Variants in SYCP2 observed in about 807,000 individuals in gnomAD.
The protein encoded by SYCP2 is synaptonemal complex protein 2.
In SYCP2, 55 loss-of-function variants were observed where a neutral mutation model predicts 211.3. That is an observed-to-expected ratio of 0.26 (90% CI 0.21 to 0.33). The LOEUF (loss-of-function observed/expected upper bound fraction) is 0.33, where lower values mean the gene tolerates loss of function less well. Among genes scored for constraint, SYCP2 ranks in the 10% least tolerant of loss-of-function variants. The pLI is 1.00. For synonymous variants in SYCP2, 570 were observed against 555.2 expected, an observed-to-expected ratio of 1.03 and a Z score of -0.37; for missense variants, 1,731 against 1,752.0, an observed-to-expected ratio of 0.99 and a Z score of 0.21.
chr20:59,895,472 A>G lies in SYCP2; in HGVS notation c.1630T>C (p.Ser544Pro), dbSNP rs1442954702. The G allele has an allele frequency of 1.2e-6, 2 of 1,612,184 alleles. No homozygotes were observed. The highest frequency in any genetic ancestry group is 2.2e-5 in the South Asian group (2 of 90,736). The stretch of plus-strand genomic sequence containing the variant: ...TTATCTCTTCTATGTCTTCCTTCTG[A>G]TGATCTAGATTTCAGTGATGCAGCA... ...DNAASLKSRS[S>P]EGRHRRDNID... Residue 544 changes from serine to proline, a missense_variant, in exon 20 of 45, where the codon TCA (serine) becomes CCA (proline). Physicochemically the swap from Ser to Pro is moderately conservative, Grantham distance 74 (BLOSUM62 -1). This residue lies in a region of SYCP2 where 1,387 missense variants were observed against 1,351.3 expected (regional missense o/e 1.03). Transcript: ENST00000357552.
At position 59,875,476 on chromosome 20, in the gene SYCP2, G is replaced by GT. The variant is rs749991823; in HGVS notation, c.3151-8dup. 4.4e-6 allele frequency: 7 copies of GT among 1,597,748 alleles called. No homozygotes were observed. Among genetic ancestry groups the GT allele is most frequent in the Non-Finnish European group, 6.0e-6 (7 of 1,171,540 alleles). ...TGGAATGGATATTCTCCTCCTAAATGTATCAATAACTTTCAAATTATACTC... is the reference window on the plus strand; with the variant it reads ...TGGAATGGATATTCTCCTCCTAAATGTTATCAATAACTTTCAAATTATACTC... On this transcript the variant is annotated splice_region_variant and splice_polypyrimidine_tract_variant and intron_variant, in intron 33 of 44. Transcript: ENST00000357552.
intron 31 of SYCP2, among the ~76,000 whole-genome samples, chr20:59,879,862 TACACAC>T (rs1236840424): frequency 6.0e-5 from 7 of 116,084 alleles, no homozygotes; most frequent in Non-Finnish European, 1.1e-4. Flanking sequence ...TATATATATA[TACACAC>T]ACACACACAC....
At chr20:59,884,469 ATAAT>A (rs1226008662) in intron 26 of SYCP2, among the ~76,000 whole-genome samples, 3 of 152,002 alleles carry the variant, frequency 2.0e-5, no homozygotes, top group African/African-American at 7.3e-5. Context: ...ATATCACTAA[ATAAT>A]TGATTACTGA....
At chr20:59,913,469 T>TA (rs905588701) in intron 12 of SYCP2, among the ~76,000 whole-genome samples, 11 of 152,006 alleles carry the variant, frequency 7.2e-5, no homozygotes, top group East Asian at 1.9e-4. Flanking sequence ...TCTGTCGTTA[T>TA]AAAAAAAAGA....
chr20:59,931,764 C>G (rs2060746668), intron 2 of SYCP2, among the ~76,000 whole-genome samples: 1 of 151,964 alleles, frequency 6.6e-6, no homozygotes. Context: ...GAAAAACAAA[C>G]CAAGGAAAGC....
At chr20:59,898,357 G>A (rs757953370) in intron 18 of SYCP2, among the ~76,000 whole-genome samples, 66 of 152,106 alleles carry the variant, frequency 4.3e-4, no homozygotes, top group Admixed American at 2.4e-3. Flanking sequence ...AAGAAAATGT[G>A]GCACATATAC....
At chr20:59,877,801 T>C (rs552854919) in intron 32 of SYCP2, among the ~76,000 whole-genome samples, 17 of 152,212 alleles carry the variant, frequency 1.1e-4, no homozygotes, top group Non-Finnish European at 2.1e-4. Flanking sequence ...AGTAAAAGAT[T>C]TTAAAAATAC....
At chr20:59,922,837 A>T (rs1460022808) in intron 2 of SYCP2, among the ~76,000 whole-genome samples, 1 of 151,904 alleles carries the variant, frequency 6.6e-6, no homozygotes, top group African/African-American at 2.4e-5. Context: ...TGCAAATGAA[A>T]TTTGGGCTAT....
Position 59,892,338 on chromosome 20 carries a change from A to G in SYCP2, c.2016T>C (p.Tyr672=), listed in dbSNP as rs61730336. 6,505 of 1,606,172 alleles carry G rather than the reference A, an allele frequency of 4.0e-3. 123 individuals carry two copies. The East Asian group carries it at 0.048, about 12-fold the overall frequency. ...HNSEGTGKVK[Y]KKEQTDHIKI... ...TGATATGGTCGGTTTGTTCTTTCTT[A>G]TATTTCACTTTTCCTGTTCCTTCAG... Residue 672 remains tyrosine (Y), a synonymous_variant, in exon 24 of 45, where the codon TAT becomes TAC. Coordinates refer to ENST00000357552, the MANE Select transcript of SYCP2 (RefSeq NM_014258.4).
chr20:59,880,844 G>A, intron 30 of SYCP2, 122 bp downstream of exon 30: 1 of 505,240 alleles, frequency 2.0e-6, no homozygotes, highest in Non-Finnish European at 3.5e-6. Flanking sequence ...TAATAGGAAG[G>A]TGGATAGTTG....
At chr20:59,914,902 A>T (rs1271350479) in intron 10 of SYCP2, among the ~76,000 whole-genome samples, 4 of 151,942 alleles carry the variant, frequency 2.6e-5, no homozygotes, top group Non-Finnish European at 5.9e-5. Flanking sequence ...TAAGCTATTA[A>T]ATTAAGCTAT....
chr20:59,887,975 G>T (rs1178046302), intron 24 of SYCP2, among the ~76,000 whole-genome samples: 1 of 151,976 alleles, frequency 6.6e-6, no homozygotes, highest in Non-Finnish European at 1.5e-5. Context: ...TATGTAAACA[G>T]AAACAGATCA....
chr20:59,874,419 G>A lies in SYCP2; in HGVS notation c.3350-358C>T, dbSNP rs531341361. ...ATACACATCACAAAATTTTATGATT[G>A]AAAAAGGCTTGAGAAATCATCTGCT... On this transcript the variant is annotated intron_variant, in intron 34 of 44. Coordinates refer to ENST00000357552, the MANE Select transcript of SYCP2 (RefSeq NM_014258.4). Among the ~76,000 whole-genome samples the A allele has an allele frequency of 3.9e-5, 6 of 152,116 alleles. No homozygotes were observed. In the South Asian group the frequency reaches 1.2e-3, roughly 32 times the overall value.
intron 2 of SYCP2, among the ~76,000 whole-genome samples, chr20:59,929,202 A>C (rs1223853988): frequency 2.0e-5 from 3 of 152,154 alleles, no homozygotes; most frequent in African/African-American, 7.2e-5. Flanking sequence ...AACAATAACC[A>C]GTCCCCTCTC....
intron 10 of SYCP2, 113 bp from the exon 11 acceptor site, chr20:59,914,364 T>C (rs545140340): frequency 3.7e-5 from 19 of 512,848 alleles, no homozygotes; most frequent in East Asian, 1.6e-4. Flanking sequence ...TATATTAATG[T>C]AATTGATTAA....
Position 59,870,867 on chromosome 20 carries a change from C to T in SYCP2, c.3556-884G>A, listed in dbSNP as rs939725292. On this transcript the variant is annotated intron_variant, in intron 35 of 44. Transcript: ENST00000357552. ...ATTAAGACTATTCCACTCCTGATGT[C>T]GCACTAATTTGATATCCATATGAAA... Among the ~76,000 whole-genome samples, 8 of 151,754 alleles carry T rather than the reference C, an allele frequency of 5.3e-5. No homozygotes were observed. The East Asian group carries it at 7.7e-4, about 15-fold the overall frequency.
chr20:59,878,332 C>T (rs1434408936), intron 31 of SYCP2, among the ~76,000 whole-genome samples: 1 of 152,008 alleles, frequency 6.6e-6, no homozygotes, highest in East Asian at 1.9e-4. Context: ...CCCAATTGTA[C>T]CACATCTCTG....
rs763819317 is a variant in SYCP2 at position 59,875,285 on chromosome 20, A to G, written c.3335T>C (p.Ile1112Thr). Residue 1112 changes from isoleucine to threonine, a missense_variant, in exon 34 of 45, where the codon ATA (isoleucine) becomes ACA (threonine). Ile to Thr is a moderately conservative substitution (Grantham distance 89). Coordinates refer to ENST00000357552, the MANE Select transcript of SYCP2 (RefSeq NM_014258.4). ...GTTATACTGACATCTCGTTACTTCT[A>G]TAGATGATGGACTGCCAGATAAAGA... ...PRSLSGSPSS[I>T]EVTRCIEKIT... 56 of 1,607,722 alleles carry G rather than the reference A, an allele frequency of 3.5e-5. No individual in the cohort carries two copies. Among genetic ancestry groups the G allele is most frequent in the Non-Finnish European group, 4.6e-5 (54 of 1,176,260 alleles).
At chr20:59,922,847 T>C (rs1331019094) in intron 2 of SYCP2, among the ~76,000 whole-genome samples, 5 of 151,468 alleles carry the variant, frequency 3.3e-5, no homozygotes, top group Admixed American at 6.6e-5. Flanking sequence ...ATTTGGGCTA[T>C]TAATATTCAA....
Sources: allele counts gnomAD v4.1 joint callset (sites outside exome capture counted in the v4.1 genomes callset), GRCh38; gene constraint gnomAD v4.1.1; regional missense constraint gnomAD v4.1.1; transcripts MANE v1.5; gene names NCBI Gene and HGNC (gene_info 2026-07-23, HGNC 2026-07-21).